VAV3: variants seen among roughly 807,000 people sequenced by gnomAD.
The protein encoded by VAV3 is guanine nucleotide exchange factor VAV3.
Under a neutral mutation model 131.2 loss-of-function variants are expected in VAV3, and 94 were observed. The observed-to-expected ratio is 0.72, with a 90% CI of 0.61 to 0.85. VAV3 has a LOEUF of 0.85. VAV3 is among the 40% of genes least tolerant of loss of function. VAV3 has a pLI of 0.00. For synonymous variants in VAV3, 349 were observed against 342.0 expected, an observed-to-expected ratio of 1.02 and a Z score of -0.22; for missense variants, 939 against 1,002.7, an observed-to-expected ratio of 0.94 and a Z score of 0.86.
chr1:107,932,434 C>CCT lies in VAV3; in HGVS notation c.204+32231_204+32232insAG, dbSNP rs1673486102. 2.0e-5 allele frequency among the ~76,000 whole-genome samples: 3 copies of CCT among 152,262 alleles called. No individual in the cohort carries two copies. In the South Asian group the frequency reaches 6.2e-4, roughly 32 times the overall value. ...GACTATGCAGAAACATGTGAGACTT[C>CCT]AGGTGATTTGATGGGAACAAAGCAA... On this transcript the variant is annotated intron_variant, in intron 1 of 26. Transcript: ENST00000370056.
intron 3 of VAV3, among the ~76,000 whole-genome samples, chr1:107,779,071 G>C (rs1251672856): frequency 6.6e-6 from 1 of 150,660 alleles, no homozygotes; most frequent in Non-Finnish European, 1.5e-5. Context: ...CTACTCTATA[G>C]GAAATAAACA....
At chr1:107,742,696 CA>C (rs1442401513) in intron 15 of VAV3, among the ~76,000 whole-genome samples, 1 of 152,158 alleles carries the variant, frequency 6.6e-6, no homozygotes, top group African/African-American at 2.4e-5. Flanking sequence ...CCATGAGGTT[CA>C]ACTTAACTTC....
At chr1:107,652,773 A>G (rs1022999851) in intron 19 of VAV3, among the ~76,000 whole-genome samples, 1 of 152,138 alleles carries the variant, frequency 6.6e-6, no homozygotes, top group African/African-American at 2.4e-5. Flanking sequence ...CTTTTAAACT[A>G]CTTTTATTTA....
chr1:107,765,647 A>T (rs143034326), intron 8 of VAV3, among the ~76,000 whole-genome samples: 157 of 152,328 alleles, frequency 1.0e-3, no homozygotes, highest in African/African-American at 3.6e-3. Context: ...AACATAAATC[A>T]TCTGAAGAGA....
At position 107,766,496 on chromosome 1, in the gene VAV3, T is replaced by G; in HGVS notation, c.772A>C (p.Asn258His). The G allele has an allele frequency of 6.2e-7, 1 of 1,613,604 alleles. No individual in the cohort carries two copies. The highest frequency in any genetic ancestry group is 8.5e-7 in the Non-Finnish European group (1 of 1,179,790). The change falls in exon 8 of 27, where the codon AAT becomes CAT. Residue 258 changes from asparagine (N) to histidine (H), a missense_variant. Asn to His is a moderately conservative substitution (Grantham distance 68). Coordinates refer to ENST00000370056, the MANE Select transcript of VAV3 (RefSeq NM_006113.5). ...TGGTACAAGTTCTGGTCATTTTTAT[T>G]TACAATGGAATCATGAATCTCTTGC... The part of the protein sequence containing the change: ...LMQEIHDSIV[N>H]KNDQNLYQVF...
At chr1:107,614,324 T>C (rs1652977775) in intron 21 of VAV3, among the ~76,000 whole-genome samples, 2 of 152,058 alleles carry the variant, frequency 1.3e-5, no homozygotes, top group Non-Finnish European at 2.9e-5. Context: ...GGAAAATAAA[T>C]TTTAAGCCCA....
intron 20 of VAV3, among the ~76,000 whole-genome samples, chr1:107,634,074 C>T (rs1032578903): frequency 3.2e-4 from 49 of 152,108 alleles, no homozygotes; most frequent in Non-Finnish European, 2.2e-4. Context: ...TCAATGCCAT[C>T]CCCATCAAGC....
chr1:107,806,867 A>G (rs988501673), intron 2 of VAV3, among the ~76,000 whole-genome samples: 1 of 152,210 alleles, frequency 6.6e-6, no homozygotes, highest in East Asian at 1.9e-4. Context: ...ATATAAAATG[A>G]CATAATATTT....
chr1:107,809,027 G>A (rs1364955689), intron 2 of VAV3, among the ~76,000 whole-genome samples: 1 of 152,004 alleles, frequency 6.6e-6, no homozygotes, highest in African/African-American at 2.4e-5. Context: ...TATTCACAAG[G>A]CTGAGCGCAA....
chr1:107,751,886 C>A (rs929169418), intron 12 of VAV3, among the ~76,000 whole-genome samples: 1 of 152,076 alleles, frequency 6.6e-6, no homozygotes, highest in South Asian at 2.1e-4. Flanking sequence ...TCAGAAATTC[C>A]ATTTTAATAA....
At chr1:107,800,734 T>C (rs1666789640) in intron 2 of VAV3, among the ~76,000 whole-genome samples, 1 of 152,202 alleles carries the variant, frequency 6.6e-6, no homozygotes, top group African/African-American at 2.4e-5. Context: ...TCTTGTTATA[T>C]GGATAGTTTG....
chr1:107,800,840 T>A (rs550195124), intron 2 of VAV3, among the ~76,000 whole-genome samples: 1 of 152,300 alleles, frequency 6.6e-6, no homozygotes, highest in Admixed American at 6.5e-5. Flanking sequence ...ATCCTATTTG[T>A]CTATCTTTGC....
intron 1 of VAV3, among the ~76,000 whole-genome samples, chr1:107,935,692 G>A (rs1410180597): frequency 6.6e-6 from 1 of 152,180 alleles, no homozygotes; most frequent in Non-Finnish European, 1.5e-5. Context: ...GTGCAGTGGT[G>A]TGCACCATGA....
At chr1:107,779,359 C>CAAATATTTAAT in intron 3 of VAV3, 75 bp downstream of exon 3, 1 of 1,369,154 alleles carries the variant, frequency 7.3e-7, no homozygotes, top group South Asian at 1.6e-5. Flanking sequence ...AGATGCTTCA[C>CAAATATTTAAT]AAATAGTAAC....
intron 19 of VAV3, among the ~76,000 whole-genome samples, chr1:107,661,219 G>A (rs1386581277): frequency 2.0e-5 from 3 of 152,092 alleles, no homozygotes; most frequent in African/African-American, 7.2e-5. Context: ...GGATCTGCTA[G>A]CTGGAGCTCA....
chr1:107,854,959 C>G (rs1669402288), intron 2 of VAV3, among the ~76,000 whole-genome samples: 1 of 152,244 alleles, frequency 6.6e-6, no homozygotes, highest in South Asian at 2.1e-4. Context: ...GAGCATCCAT[C>G]CCTTTGTGCC....
In VAV3 at chr1:107,704,983, G is replaced by A; in HGVS notation, c.1581C>T (p.Cys527=). Residue 527 remains cysteine, a synonymous_variant, in exon 16 of 27, where the codon TGC becomes TGT. Coordinates refer to ENST00000370056, the MANE Select transcript of VAV3 (RefSeq NM_006113.5). ...KMHTFTRVTS[C]KVCQMLLRGT... ...ACCTCAGGAGCATCTGGCAGACTTT[G>A]CAGGATGTGACTCGAGTGAAGGTAT... The A allele has an allele frequency of 1.2e-6, 2 of 1,613,902 alleles. No individual in the cohort carries two copies. The highest frequency in any genetic ancestry group is 4.5e-5 in the East Asian group (2 of 44,866).
chr1:107,881,835 C>T (rs1296603926), intron 1 of VAV3, among the ~76,000 whole-genome samples: 1 of 152,152 alleles, frequency 6.6e-6, no homozygotes, highest in East Asian at 1.9e-4. Flanking sequence ...GTGCAGCCTC[C>T]TGTTACCACT....
intron 17 of VAV3, 100 bp downstream of exon 17, chr1:107,704,450 T>C: frequency 3.6e-6 from 3 of 827,002 alleles, no homozygotes; most frequent in Non-Finnish European, 5.7e-6. Flanking sequence ...AGCAGATATG[T>C]TACAATAAAC....
Sources: gnomAD v4.1 joint callset for allele counts (sites outside exome capture counted in the v4.1 genomes callset) on GRCh38, gnomAD v4.1.1 for gene constraint, MANE v1.5 for transcripts, NCBI Gene and HGNC (gene_info 2026-07-23, HGNC 2026-07-21) for gene names.